The following OAF variants were observed in gnomAD, a reference collection of about 807,000 sequenced individuals.
The protein encoded by OAF is out at first protein homolog.
In OAF, 13 loss-of-function variants were observed where a neutral mutation model predicts 22.5. The ratio of observed to expected loss-of-function variants is 0.58; its 90% CI spans 0.38 to 0.92. OAF has a LOEUF of 0.92. Ranked by LOEUF, OAF falls within the 40% of genes least tolerant of loss-of-function variation. The probability of loss-of-function intolerance (pLI) is 0.00; values close to 1 mark genes in which losing one functional copy is unlikely to be tolerated. For synonymous variants in OAF, 175 were observed against 170.5 expected (o/e 1.03, Z -0.21); for missense variants, 347 against 381.8 (o/e 0.91, Z 0.76).
intron 1 of OAF, 92 bp from the exon 2 acceptor site, chr11:120,225,569 G>C: frequency 8.6e-7 from 1 of 1,159,300 alleles, no homozygotes; most frequent in South Asian, 1.7e-5. Flanking sequence ...CAGTGTCCAG[G>C]CATCCTGTTC....
Position 120,229,367 on chromosome 11 carries a change from G to A in OAF, c.*225G>A, listed in dbSNP as rs1938407037. 9.0e-6 allele frequency: 3 copies of A among 331,646 alleles called. No individual in the cohort carries two copies. Among genetic ancestry groups the A allele is most frequent in the Non-Finnish European group, 1.5e-5 (3 of 194,192 alleles). The allele number at this position is 331,646 out of a possible 1,614,324, so 20.5% of individuals were successfully genotyped here. A position where few individuals can be genotyped will look rare whatever the true frequency, so the allele number is the denominator to read the frequency against. On this transcript the variant is annotated 3_prime_UTR_variant, in exon 4 of 4. Coordinates refer to ENST00000328965, the MANE Select transcript of OAF (RefSeq NM_178507.4). ...TTCCCACCCTGTGCCTTCCTTGCGG[G>A]CAGAGAGGGAGAGAAGGGCTCCCCA...
At chr11:120,224,603 G>A (rs2135096395) in intron 1 of OAF, among the ~76,000 whole-genome samples, 1 of 152,318 alleles carries the variant, frequency 6.6e-6, no homozygotes, top group South Asian at 2.1e-4. Context: ...CAAGTACTCA[G>A]TGACTGTGTG....
At chr11:120,225,083 G>T (rs1384263452) in intron 1 of OAF, among the ~76,000 whole-genome samples, 1 of 152,182 alleles carries the variant, frequency 6.6e-6, no homozygotes, top group Admixed American at 6.5e-5. Flanking sequence ...AGCTCCCTCA[G>T]GCCGGAAGGC....
rs1455483998 is a variant in OAF at position 120,230,207 on chromosome 11, A to G, written c.*1065A>G. 1 of 152,210 alleles carries G rather than the reference A, an allele frequency of 6.6e-6. No homozygotes were observed. The highest frequency in any genetic ancestry group is 1.9e-4 in the East Asian group (1 of 5,196). 9.4% of individuals were successfully genotyped at this position (152,210 alleles called of 1,614,324 possible). Reference sequence around the variant, plus strand: ...GAAATAGCCAGCGCGAAGGCAAGAGATGGGGTGGAGATTGGAACCCCGCTT... The same window carrying G: ...GAAATAGCCAGCGCGAAGGCAAGAGGTGGGGTGGAGATTGGAACCCCGCTT... On this transcript the variant is annotated 3_prime_UTR_variant, in exon 4 of 4. Coordinates refer to ENST00000328965, the MANE Select transcript of OAF (RefSeq NM_178507.4).
intron 1 of OAF, among the ~76,000 whole-genome samples, chr11:120,213,446 CAT>C (rs1219677782): frequency 6.6e-6 from 1 of 152,174 alleles, no homozygotes; most frequent in Non-Finnish European, 1.5e-5. Flanking sequence ...CAGAAGCTAC[CAT>C]TTCATACCCA....
At chr11:120,228,821 T>TACCAACCCAACA in intron 3 of OAF, 47 bp from the exon 4 acceptor site, 1 of 520,278 alleles carries the variant, frequency 1.9e-6, no homozygotes, top group Non-Finnish European at 3.6e-6. Flanking sequence ...GGGAGCTCCT[T>TACCAACCCAACA]CCCTCCCTCC....
Position 120,226,852 on chromosome 11 carries a change from C to T in OAF, c.403C>T (p.Arg135Trp), listed in dbSNP as rs145186688. Residue 135 changes from arginine (R) to tryptophan (W), a missense_variant, in exon 3 of 4, where the codon CGG (arginine) becomes TGG (tryptophan). By Grantham distance (101) the Arg-to-Trp change is moderately radical. Coordinates refer to ENST00000328965, the MANE Select transcript of OAF (RefSeq NM_178507.4). ...PRAVRQAEEV[R>W]GLEHLHMDVA... ...GGCAGTGCGGCAGGCGGAGGAGGTT[C>T]GGGGTCTGGAGCATCTGCACATGGA... 64 of 1,607,370 alleles carry T rather than the reference C, an allele frequency of 4.0e-5. No individual in the cohort carries two copies. The highest frequency in any genetic ancestry group is 5.1e-5 in the Non-Finnish European group (60 of 1,175,298).
intron 3 of OAF, 85 bp downstream of exon 3, chr11:120,227,081 G>A (rs1938370222): frequency 4.3e-6 from 4 of 929,290 alleles, no homozygotes; most frequent in Non-Finnish European, 6.4e-6. Context: ...GAGGGCAGGG[G>A]CATCATTAGT....
chr11:120,211,636 C>T (rs1938150291), intron 1 of OAF, 126 bp downstream of exon 1: 6 of 558,468 alleles, frequency 1.1e-5, no homozygotes, highest in Non-Finnish European at 1.7e-5. Flanking sequence ...AAGGTCACGC[C>T]GGGCTCTTCT....
chr11:120,212,190 G>A (rs745751467), intron 1 of OAF, among the ~76,000 whole-genome samples: 10 of 128,868 alleles, frequency 7.8e-5, no homozygotes, highest in Non-Finnish European at 1.1e-4. Flanking sequence ...GCAGAGAAGC[G>A]AGCCAACCCC....
intron 1 of OAF, chr11:120,217,448 G>A (rs1299311191): frequency 1.3e-5 from 2 of 152,236 alleles, no homozygotes; most frequent in East Asian, 3.9e-4. Context: ...GCATGGTGGT[G>A]TGTGCCTATA....
At chr11:120,220,224 C>T (rs1938263273) in intron 1 of OAF, among the ~76,000 whole-genome samples, 1 of 152,154 alleles carries the variant, frequency 6.6e-6, no homozygotes, top group Admixed American at 6.5e-5. Flanking sequence ...GGCTCAAACC[C>T]ACCAGTGACT....
intron 1 of OAF, among the ~76,000 whole-genome samples, chr11:120,213,576 G>A (rs888072888): frequency 6.6e-6 from 1 of 152,158 alleles, no homozygotes; most frequent in Non-Finnish European, 1.5e-5. Context: ...CTAGGACGGG[G>A]TGGAGTTGGA....
intron 1 of OAF, among the ~76,000 whole-genome samples, chr11:120,211,902 C>T (rs907008896): frequency 1.1e-5 from 1 of 91,898 alleles, no homozygotes; most frequent in African/African-American, 3.3e-5. Flanking sequence ...GCAAGCAAGC[C>T]TCTTTCCTCC....
At chr11:120,211,864 A>C (rs1565340095) in intron 1 of OAF, among the ~76,000 whole-genome samples, 2 of 151,950 alleles carry the variant, frequency 1.3e-5, no homozygotes, top group East Asian at 1.9e-4. Flanking sequence ...GTGGGCTCTC[A>C]CTGTGGGTTC....
intron 1 of OAF, among the ~76,000 whole-genome samples, chr11:120,216,440 C>T (rs1034640970): frequency 3.3e-5 from 5 of 152,146 alleles, no homozygotes; most frequent in Admixed American, 1.3e-4. Context: ...GAGGTGCTTT[C>T]GGGAGAGGCC....
At chr11:120,212,161 C>T (rs558695695) in intron 1 of OAF, among the ~76,000 whole-genome samples, 1 of 147,818 alleles carries the variant, frequency 6.8e-6, no homozygotes, top group Non-Finnish European at 1.5e-5. Flanking sequence ...GGGAGAAGTG[C>T]TGCCCTTCAC....
chr11:120,230,166 C>T lies in OAF; in HGVS notation c.*1024C>T, dbSNP rs1005015009. The T allele has an allele frequency of 2.6e-5, 4 of 152,170 alleles. No individual in the cohort carries two copies. Among genetic ancestry groups the T allele is most frequent in the Non-Finnish European group, 5.9e-5 (4 of 68,036 alleles). 9.4% of individuals were successfully genotyped at this position (152,170 alleles called of 1,614,324 possible). A position where few individuals can be genotyped will look rare whatever the true frequency, so the allele number is the denominator to read the frequency against. Reference sequence around the variant, plus strand: ...ACAATGAGACAGACATAGCTGCAACCGTAGTAAGCCAGTCAGAAATAGCCA... The same window carrying T: ...ACAATGAGACAGACATAGCTGCAACTGTAGTAAGCCAGTCAGAAATAGCCA... On this transcript the variant is annotated 3_prime_UTR_variant, in exon 4 of 4. Transcript: ENST00000328965.
chr11:120,223,110 G>T (rs1938303920), intron 1 of OAF, among the ~76,000 whole-genome samples: 1 of 152,224 alleles, frequency 6.6e-6, no homozygotes, highest in African/African-American at 2.4e-5. Context: ...ATGATGGGGA[G>T]CGGGTCCTAA....
Sources: allele counts gnomAD v4.1 joint callset (sites outside exome capture counted in the v4.1 genomes callset), GRCh38; gene constraint gnomAD v4.1.1; transcripts MANE v1.5; gene names NCBI Gene and HGNC (gene_info 2026-07-23, HGNC 2026-07-21).